Variants in ROR1 observed in about 807,000 individuals in gnomAD.
ROR1 encodes the protein ROR family WNT receptor 1.
In ROR1, 19 loss-of-function variants were observed where a neutral mutation model predicts 78.8. That is an observed-to-expected ratio of 0.24 (90% CI 0.17 to 0.35). ROR1 has a LOEUF of 0.35. Among genes scored for constraint, ROR1 ranks in the 10% least tolerant of loss-of-function variants. The pLI is 1.00. For synonymous variants in ROR1, 386 were observed against 433.6 expected (o/e 0.89, Z 1.36); for missense variants, 917 against 1,177.8 (o/e 0.78, Z 3.24).
At chr1:63,794,584 C>A (rs776915886) in intron 1 of ROR1, among the ~76,000 whole-genome samples, 1 of 152,140 alleles carries the variant, frequency 6.6e-6, no homozygotes, top group Non-Finnish European at 1.5e-5. Context: ...TTATCAGAGG[C>A]CAGAGGGCGG....
At chr1:64,050,436 ACT>A (rs1398189686) in intron 3 of ROR1, among the ~76,000 whole-genome samples, 3 of 151,306 alleles carry the variant, frequency 2.0e-5, no homozygotes, top group Non-Finnish European at 2.9e-5. Flanking sequence ...TACTCGATTA[ACT>A]CTTTTTTTAG....
At chr1:63,974,945 T>C (rs1336703551) in intron 1 of ROR1, among the ~76,000 whole-genome samples, 1 of 152,252 alleles carries the variant, frequency 6.6e-6, no homozygotes, top group African/African-American at 2.4e-5. Flanking sequence ...TTTGCCTCAT[T>C]GTGCCTCAGT....
intron 4 of ROR1, among the ~76,000 whole-genome samples, chr1:64,097,421 C>T (rs1355004125): frequency 3.3e-5 from 5 of 152,128 alleles, no homozygotes; most frequent in Admixed American, 6.5e-5. Context: ...ATCTTAATGC[C>T]ATCTGCAGCC....
chr1:64,062,743 G>A (rs146714362), intron 4 of ROR1, among the ~76,000 whole-genome samples: 36 of 152,294 alleles, frequency 2.4e-4, no homozygotes, highest in African/African-American at 8.7e-4. Context: ...ATCACGTCTT[G>A]TACACTCATA....
chr1:63,899,975 A>G (rs1471028321), intron 1 of ROR1, among the ~76,000 whole-genome samples: 1 of 152,016 alleles, frequency 6.6e-6, no homozygotes, highest in Non-Finnish European at 1.5e-5. Flanking sequence ...CTTTAAAAAC[A>G]GTGTGTTATT....
chr1:63,981,930 C>T (rs1646213769), intron 1 of ROR1, among the ~76,000 whole-genome samples: 1 of 152,072 alleles, frequency 6.6e-6, no homozygotes. Flanking sequence ...GTTGTTAATG[C>T]TTGTTGCTCT....
intron 1 of ROR1, among the ~76,000 whole-genome samples, chr1:63,962,518 G>A (rs867634446): frequency 5.9e-5 from 9 of 152,194 alleles, no homozygotes; most frequent in African/African-American, 9.7e-5. Context: ...GAGAGGGTAG[G>A]TGTCTGCCCC....
intron 7 of ROR1, among the ~76,000 whole-genome samples, chr1:64,155,124 A>G (rs1649735628): frequency 6.6e-6 from 1 of 152,184 alleles, no homozygotes; most frequent in African/African-American, 2.4e-5. Flanking sequence ...TAGCTTTGAC[A>G]AGTTATTTTT....
At chr1:63,945,891 G>A (rs1645883621) in intron 1 of ROR1, among the ~76,000 whole-genome samples, 1 of 152,216 alleles carries the variant, frequency 6.6e-6, no homozygotes, top group Admixed American at 6.5e-5. Flanking sequence ...TGGTGCTAGT[G>A]ATAATTTTAG....
At chr1:63,782,776 C>T (rs1202922431) in intron 1 of ROR1, among the ~76,000 whole-genome samples, 3 of 152,140 alleles carry the variant, frequency 2.0e-5, no homozygotes, top group Non-Finnish European at 2.9e-5. Context: ...GTGCCTCTAG[C>T]ACTGTAGAGA....
chr1:64,161,851 C>T (rs749612525), intron 8 of ROR1, among the ~76,000 whole-genome samples: 8 of 152,070 alleles, frequency 5.3e-5, no homozygotes, highest in South Asian at 2.1e-4. Context: ...GACTTGGCTC[C>T]GATCAAATTT....
Position 64,179,022 on chromosome 1 carries a change from CAGA to C in ROR1, c.*169_*171del. The C allele has an allele frequency of 2.4e-4, 38 of 156,434 alleles. No individual in the cohort carries two copies. Among genetic ancestry groups the C allele is most frequent in the East Asian group, 5.3e-4 (5 of 9,358 alleles). 9.7% of individuals were successfully genotyped at this position (156,434 alleles called of 1,614,324 possible). A position where few individuals can be genotyped will look rare whatever the true frequency, so the allele number is the denominator to read the frequency against. Reference sequence around the variant, plus strand: ...TTACCAAGCAGGACAGACACTCGGCCAGAAAAAAAAAAAAAAAAAAAAAACAAG... The same window carrying C: ...TTACCAAGCAGGACAGACACTCGGCCAAAAAAAAAAAAAAAAAAAAACAAG... On this transcript the variant is annotated 3_prime_UTR_variant, in exon 9 of 9. Transcript: ENST00000371079.
intron 1 of ROR1, among the ~76,000 whole-genome samples, chr1:63,957,601 T>G (rs1478209981): frequency 6.6e-6 from 1 of 152,148 alleles, no homozygotes; most frequent in Non-Finnish European, 1.5e-5. Flanking sequence ...GGGTTGCATA[T>G]CTTCAAAACA....
chr1:64,003,619 G>T (rs1432198846), intron 1 of ROR1, among the ~76,000 whole-genome samples: 3 of 152,106 alleles, frequency 2.0e-5, no homozygotes, highest in Middle Eastern at 3.2e-3. Context: ...GTGTGGAGAG[G>T]CCCCCTCCTT....
intron 1 of ROR1, among the ~76,000 whole-genome samples, chr1:63,833,046 T>G (rs1644998439): frequency 6.6e-6 from 1 of 152,234 alleles, no homozygotes; most frequent in Non-Finnish European, 1.5e-5. Context: ...TGTTCCAATC[T>G]TGTTTTCCCA....
chr1:64,020,730 A>C (rs1001481989), intron 2 of ROR1, among the ~76,000 whole-genome samples: 4 of 152,134 alleles, frequency 2.6e-5, no homozygotes, highest in African/African-American at 9.7e-5. Context: ...TGGTCCACAA[A>C]CAGATTATTT....
chr1:64,078,150 C>A (rs553879385), intron 4 of ROR1, among the ~76,000 whole-genome samples: 40 of 152,320 alleles, frequency 2.6e-4, no homozygotes, highest in African/African-American at 9.1e-4. Context: ...CTGTGCTAAG[C>A]ACTTAGTGTG....
intron 4 of ROR1, among the ~76,000 whole-genome samples, chr1:64,065,725 C>A (rs1476487492): frequency 6.6e-6 from 1 of 152,184 alleles, no homozygotes; most frequent in African/African-American, 2.4e-5. Flanking sequence ...CCACTGAAAC[C>A]AGGTGCAAAT....
At chr1:63,796,266 G>A (rs949223736) in intron 1 of ROR1, among the ~76,000 whole-genome samples, 1 of 152,034 alleles carries the variant, frequency 6.6e-6, no homozygotes, top group Non-Finnish European at 1.5e-5. Flanking sequence ...CTAGCTGTGT[G>A]GCCCCACACA....
Sources: allele counts gnomAD v4.1 joint callset (sites outside exome capture counted in the v4.1 genomes callset), GRCh38; gene constraint gnomAD v4.1.1; transcripts MANE v1.5; gene names NCBI Gene and HGNC (gene_info 2026-07-23, HGNC 2026-07-21).